Variants in PTPRG observed in about 807,000 individuals in gnomAD.
The protein encoded by PTPRG is protein tyrosine phosphatase receptor type G, also known as receptor-type tyrosine-protein phosphatase gamma.
PTPRG carries 102 observed loss-of-function variants against 165.3 expected under a neutral mutation model. That is an observed-to-expected ratio of 0.62 (90% CI 0.53 to 0.73). The LOEUF is 0.73. Ranked by LOEUF, PTPRG falls within the 30% of genes least tolerant of loss-of-function variation. PTPRG has a pLI of 0.00. For synonymous variants in PTPRG, 675 were observed against 669.5 expected (o/e 1.01, Z -0.13); for missense variants, 1,866 against 1,861.4 (o/e 1.00, Z -0.05).
intron 4 of PTPRG, among the ~76,000 whole-genome samples, chr3:62,074,865 T>C (rs1701332858): frequency 1.3e-5 from 2 of 152,098 alleles, no homozygotes; most frequent in Non-Finnish European, 2.9e-5. Flanking sequence ...GCCAAAGGTG[T>C]TTTTGGAAAA....
intron 1 of PTPRG, among the ~76,000 whole-genome samples, chr3:61,565,851 A>C (rs1699900144): frequency 6.6e-6 from 1 of 151,690 alleles, no homozygotes; most frequent in Non-Finnish European, 1.5e-5. Context: ...TTTAGTTCTG[A>C]TGGGCATCCG....
intron 2 of PTPRG, among the ~76,000 whole-genome samples, chr3:61,923,167 G>A (rs963978430): frequency 6.6e-6 from 1 of 152,104 alleles, no homozygotes; most frequent in Non-Finnish European, 1.5e-5. Flanking sequence ...TACCAGCTCT[G>A]ACTTTTCCAT....
intron 8 of PTPRG, among the ~76,000 whole-genome samples, chr3:62,169,679 C>T (rs1048940546): frequency 1.3e-5 from 2 of 151,980 alleles, no homozygotes; most frequent in African/African-American, 2.4e-5. Flanking sequence ...TCTTTTGGTG[C>T]GAAAAGGGAT....
At position 62,203,134 on chromosome 3, in the gene PTPRG, T is replaced by C; in HGVS notation, c.1378-39T>C. 1.3e-6 allele frequency: 2 copies of C among 1,528,790 alleles called. No homozygotes were observed. Among genetic ancestry groups the C allele is most frequent in the Non-Finnish European group, 1.8e-6 (2 of 1,138,454 alleles). 94.7% of individuals were successfully genotyped at this position (1,528,790 alleles called of 1,614,324 possible). On this transcript the variant is annotated intron_variant, in intron 11 of 29. Coordinates refer to ENST00000474889, the MANE Select transcript of PTPRG (RefSeq NM_002841.4). The surrounding 1 kb of genome is among the most constrained non-coding windows in gnomAD (Gnocchi z 6.4). The stretch of plus-strand genomic sequence containing the variant: ...CTGATGCTTCTCTGCTTTTTCTTCT[T>C]CTGCCTCTTTTCCACCCTTGCCGGG...
intron 1 of PTPRG, among the ~76,000 whole-genome samples, chr3:61,578,843 G>A (rs540216524): frequency 6.6e-6 from 1 of 152,326 alleles, no homozygotes; most frequent in East Asian, 1.9e-4. Flanking sequence ...TTCCCCCGAT[G>A]GAAATACTTC....
chr3:62,251,317 C>A (rs1701412530), intron 15 of PTPRG, among the ~76,000 whole-genome samples: 1 of 151,744 alleles, frequency 6.6e-6, no homozygotes. Context: ...GCTAGGAGTT[C>A]AAGACCAGCC....
intron 2 of PTPRG, among the ~76,000 whole-genome samples, chr3:61,789,281 T>C (rs2034801691): frequency 1.3e-5 from 2 of 152,078 alleles, no homozygotes; most frequent in South Asian, 4.1e-4. Flanking sequence ...TTAAAATTTT[T>C]TGTAGAGACG....
At chr3:62,231,387 A>G in intron 14 of PTPRG, 76 bp downstream of exon 14, 2 of 1,265,066 alleles carry the variant, frequency 1.6e-6, no homozygotes, top group Non-Finnish European at 2.1e-6. Flanking sequence ...TTTTGTTGCC[A>G]TGGGGATTGA....
intron 5 of PTPRG, among the ~76,000 whole-genome samples, chr3:62,080,285 A>T (rs1182437258): frequency 6.6e-6 from 1 of 150,722 alleles, no homozygotes; most frequent in Non-Finnish European, 1.5e-5. Flanking sequence ...CATGTTGGTC[A>T]GGCTGGTGTT....
chr3:61,910,337 G>T (rs2038768988), intron 2 of PTPRG, among the ~76,000 whole-genome samples: 1 of 152,188 alleles, frequency 6.6e-6, no homozygotes, highest in Admixed American at 6.5e-5. Context: ...CTCTACTGTT[G>T]CTCTGCACCA....
chr3:61,768,057 G>GAAATATAAT (rs965797603), intron 2 of PTPRG, among the ~76,000 whole-genome samples: 2 of 151,918 alleles, frequency 1.3e-5, no homozygotes, highest in African/African-American at 2.4e-5. Flanking sequence ...GGGAGGATAG[G>GAAATATAAT]AAATATAATA....
intron 1 of PTPRG, among the ~76,000 whole-genome samples, chr3:61,627,325 AAAC>A (rs1269658846): frequency 6.6e-6 from 1 of 152,174 alleles, no homozygotes; most frequent in Non-Finnish European, 1.5e-5. Context: ...TGGGGTAAAA[AAAC>A]ATAAAATTTG....
chr3:62,139,390 C>T (rs747019877), intron 6 of PTPRG, among the ~76,000 whole-genome samples: 3 of 152,012 alleles, frequency 2.0e-5, no homozygotes, highest in Non-Finnish European at 4.4e-5. Flanking sequence ...ACCTGAGAGG[C>T]GAAGTTTCCA....
chr3:61,693,307 A>T (rs1192425217), intron 1 of PTPRG, among the ~76,000 whole-genome samples: 2 of 152,218 alleles, frequency 1.3e-5, no homozygotes, highest in Non-Finnish European at 2.9e-5. Flanking sequence ...AATATATTTT[A>T]TGTAAGAGAA....
intron 2 of PTPRG, chr3:61,753,488 C>A: frequency 2.9e-6 from 1 of 347,742 alleles, no homozygotes; most frequent in Non-Finnish European, 5.7e-6. Flanking sequence ...ATAATTATTG[C>A]ACAAAGAGTA....
chr3:62,054,022 A>G (rs1213172744), intron 4 of PTPRG, among the ~76,000 whole-genome samples: 1 of 152,220 alleles, frequency 6.6e-6, no homozygotes, highest in East Asian at 1.9e-4. Context: ...GAACATGCCC[A>G]TCACTCTGAA....
At chr3:61,825,877 C>G (rs2036094758) in intron 2 of PTPRG, among the ~76,000 whole-genome samples, 1 of 152,076 alleles carries the variant, frequency 6.6e-6, no homozygotes, top group Admixed American at 6.6e-5. Context: ...TCTCAAACTT[C>G]TAGACTCAAG....
intron 3 of PTPRG, among the ~76,000 whole-genome samples, chr3:61,992,341 T>C (rs1306355433): frequency 1.3e-5 from 2 of 152,166 alleles, no homozygotes; most frequent in African/African-American, 4.8e-5. Flanking sequence ...GTTTTAACAC[T>C]AATAGAAACT....
rs550173674 is a variant in PTPRG at position 62,108,678 on chromosome 3, C to G, written c.616-23924C>G. Among the ~76,000 whole-genome samples the G allele has an allele frequency of 4.6e-5, 7 of 152,312 alleles. No individual in the cohort carries two copies. In the South Asian group the frequency reaches 1.5e-3, roughly 32 times the overall value. On this transcript the variant is annotated intron_variant, in intron 5 of 29. Transcript: ENST00000474889. ...TCCCTCCAACAGTGTAAAAGCGTTC[C>G]TATTTCTCCACATCCTCTCCAGCAT...
Sources: gnomAD v4.1 joint callset for allele counts (sites outside exome capture counted in the v4.1 genomes callset) on GRCh38, gnomAD v4.1.1 for gene constraint, Gnocchi (gnomAD v3.1) non-coding constraint, MANE v1.5 for transcripts, NCBI Gene and HGNC (gene_info 2026-07-23, HGNC 2026-07-21) for gene names.